CPNE4: variants seen among roughly 807,000 people sequenced by gnomAD.
CPNE4 encodes the protein copine-4.
In CPNE4, 25 loss-of-function variants were observed where a neutral mutation model predicts 67.9. That is an observed-to-expected ratio of 0.37 (90% CI 0.27 to 0.51). The LOEUF (loss-of-function observed/expected upper bound fraction) is 0.51. CPNE4 is among the 20% of genes least tolerant of loss of function. CPNE4 has a pLI of 0.93. For missense variants in CPNE4, 464 were observed against 690.8 expected (o/e 0.67, Z 3.68); for synonymous variants, 242 against 244.9 (o/e 0.99, Z 0.11).
chr3:131,554,133 G>A (rs181349769), intron 12 of CPNE4, among the ~76,000 whole-genome samples: 1 of 152,188 alleles, frequency 6.6e-6, no homozygotes, highest in Non-Finnish European at 1.5e-5. Context: ...GGGATGTGGT[G>A]AAAACTCAAG....
chr3:131,778,131 C>T (rs976764121), intron 2 of CPNE4, among the ~76,000 whole-genome samples: 4 of 152,156 alleles, frequency 2.6e-5, no homozygotes, highest in African/African-American at 9.7e-5. Flanking sequence ...AACATCAAGC[C>T]TGTTCCCTGG....
At chr3:131,927,217 T>G (rs1361434738) in intron 1 of CPNE4, among the ~76,000 whole-genome samples, 1 of 152,224 alleles carries the variant, frequency 6.6e-6, no homozygotes, top group Admixed American at 6.5e-5. Flanking sequence ...TTTGGTTGGT[T>G]TTGTTTTGCT....
intron 1 of CPNE4, among the ~76,000 whole-genome samples, chr3:131,937,966 AG>A (rs2071273612): frequency 6.6e-6 from 1 of 152,148 alleles, no homozygotes; most frequent in Non-Finnish European, 1.5e-5. Flanking sequence ...TAAAGGACTA[AG>A]GGTATTAAAT....
At chr3:131,802,997 T>G (rs2084186465) in intron 2 of CPNE4, among the ~76,000 whole-genome samples, 1 of 152,198 alleles carries the variant, frequency 6.6e-6, no homozygotes, top group African/African-American at 2.4e-5. Context: ...GGACTGGAAT[T>G]AGAAAATTTT....
chr3:131,906,994 TCAAA>T (rs2088795715), intron 1 of CPNE4, among the ~76,000 whole-genome samples: 1 of 151,956 alleles, frequency 6.6e-6, no homozygotes, highest in South Asian at 2.1e-4. Context: ...TACAATGAAC[TCAAA>T]CAAATTTACA....
At chr3:132,038,972 AG>A (rs1450273756), upstream of CPNE4, among the ~76,000 whole-genome samples, 5 of 152,212 alleles carry the variant, frequency 3.3e-5, no homozygotes, top group Non-Finnish European at 7.3e-5. Context: ...TTATTGTGGT[AG>A]CCACTAGACA....
intron 2 of CPNE4, among the ~76,000 whole-genome samples, chr3:131,875,583 A>G (rs564395946): frequency 1.3e-5 from 2 of 152,158 alleles, no homozygotes; most frequent in Non-Finnish European, 2.9e-5. Flanking sequence ...TCGCAAGGAC[A>G]AAAAACCAAA....
intron 7 of CPNE4, among the ~76,000 whole-genome samples, chr3:131,610,094 C>T (rs2107739284): frequency 6.6e-6 from 1 of 152,038 alleles, no homozygotes; most frequent in Non-Finnish European, 1.5e-5. Context: ...ACAAACTTCC[C>T]CCTCTCCTTT....
At chr3:131,976,172 G>C (rs1362614415) in intron 1 of CPNE4, among the ~76,000 whole-genome samples, 5 of 150,470 alleles carry the variant, frequency 3.3e-5, no homozygotes, top group African/African-American at 1.2e-4. Flanking sequence ...GTTTCTAGAA[G>C]GGTCACAGTG....
intron 1 of CPNE4, among the ~76,000 whole-genome samples, chr3:131,978,540 A>T (rs1415526272): frequency 2.4e-5 from 2 of 84,240 alleles, no homozygotes; most frequent in Non-Finnish European, 4.0e-5. Context: ...AAATATATAT[A>T]AATATATATA....
chr3:131,623,922 T>C (rs1421935384), intron 7 of CPNE4, among the ~76,000 whole-genome samples: 1 of 152,196 alleles, frequency 6.6e-6, no homozygotes, highest in Non-Finnish European at 1.5e-5. Context: ...CTATGCTGTA[T>C]GAGGCATTAC....
At position 131,810,018 on chromosome 3, in the gene CPNE4, C is replaced by T. The variant is rs954241449; in HGVS notation, c.181-86393G>A. Reference sequence around the variant, plus strand: ...AAGAGAAGAATCAAGAAGAGGAGGACGAGGAGGAGGAGAAAGAAGTAGAGA... The same window carrying T: ...AAGAGAAGAATCAAGAAGAGGAGGATGAGGAGGAGGAGAAAGAAGTAGAGA... On this transcript the variant is annotated intron_variant, in intron 2 of 15. Coordinates refer to ENST00000429747, the MANE Select transcript of CPNE4 (RefSeq NM_130808.3). Among the ~76,000 whole-genome samples, 13 of 151,484 alleles carry T rather than the reference C, an allele frequency of 8.6e-5. No individual in the cohort carries two copies. In the South Asian group the frequency reaches 1.2e-3, roughly 15 times the overall value.
chr3:131,642,114 T>G (rs1560033096), intron 7 of CPNE4, among the ~76,000 whole-genome samples: 2 of 152,042 alleles, frequency 1.3e-5, no homozygotes, highest in Non-Finnish European at 2.9e-5. Context: ...CTAAAGAATT[T>G]ATTCATGTAA....
At chr3:131,605,679 A>G (rs1417646281) in intron 7 of CPNE4, among the ~76,000 whole-genome samples, 3 of 152,146 alleles carry the variant, frequency 2.0e-5, no homozygotes, top group Non-Finnish European at 4.4e-5. Flanking sequence ...GTCCAATGAG[A>G]GTTTGAAGTA....
intron 2 of CPNE4, among the ~76,000 whole-genome samples, chr3:131,823,834 A>G (rs1019457913): frequency 9.2e-5 from 14 of 152,222 alleles, no homozygotes; most frequent in African/African-American, 3.4e-4. Context: ...TCTTATTTAA[A>G]TGAAAAAAAT....
At chr3:132,018,744 C>T (rs1033913032) in intron 1 of CPNE4, among the ~76,000 whole-genome samples, 4 of 152,166 alleles carry the variant, frequency 2.6e-5, no homozygotes, top group Admixed American at 6.5e-5. Flanking sequence ...CAAACTCATG[C>T]TGCAGAAATA....
intron 2 of CPNE4, among the ~76,000 whole-genome samples, chr3:131,791,235 T>G (rs1235037792): frequency 6.6e-6 from 1 of 152,176 alleles, no homozygotes; most frequent in East Asian, 1.9e-4. Flanking sequence ...AACTGAGAAA[T>G]TTTTTCTTAT....
intron 2 of CPNE4, among the ~76,000 whole-genome samples, chr3:131,770,182 C>T (rs530392261): frequency 9.9e-5 from 15 of 152,244 alleles, no homozygotes; most frequent in South Asian, 2.1e-4. Flanking sequence ...TCTATTTTTG[C>T]GTTAGTGTAT....
chr3:131,912,042 G>A (rs545982800), intron 1 of CPNE4, among the ~76,000 whole-genome samples: 85 of 152,234 alleles, frequency 5.6e-4, no homozygotes, highest in African/African-American at 2.0e-3. Flanking sequence ...AATATAGCCC[G>A]ATTATCAACA....
Sources: gnomAD v4.1 joint callset for allele counts (sites outside exome capture counted in the v4.1 genomes callset) on GRCh38, gnomAD v4.1.1 for gene constraint, MANE v1.5 for transcripts, NCBI Gene and HGNC (gene_info 2026-07-23, HGNC 2026-07-21) for gene names.